Variants in ACSM3 observed in about 807,000 individuals in gnomAD.
The protein encoded by ACSM3 is acyl-CoA synthetase medium chain family member 3.
In ACSM3, 61 loss-of-function variants were observed where a neutral mutation model predicts 74.1. That is an observed-to-expected ratio of 0.82 (90% CI 0.67 to 1.02). ACSM3 has a LOEUF of 1.02. ACSM3 is among the 50% of genes least tolerant of loss of function. The pLI is 0.00. For missense variants in ACSM3, 660 were observed against 697.0 expected (o/e 0.95, Z 0.60); for synonymous variants, 213 against 241.5 (o/e 0.88, Z 1.09).
At chr16:20,690,682 A>C (rs570249199) in intron 1 of ACSM3, among the ~76,000 whole-genome samples, 2 of 152,162 alleles carry the variant, frequency 1.3e-5, no homozygotes, top group East Asian at 3.9e-4. Context: ...GACTAATACG[A>C]ATTTGCTGAC....
intron 1 of ACSM3, among the ~76,000 whole-genome samples, chr16:20,696,837 T>C (rs2079692317): frequency 6.6e-6 from 1 of 152,198 alleles, no homozygotes; most frequent in Admixed American, 6.5e-5. Flanking sequence ...TACTGTGTTA[T>C]AGGGTATCCC....
chr16:20,761,780 C>T (rs543694155), upstream of ACSM3, among the ~76,000 whole-genome samples: 1 of 152,254 alleles, frequency 6.6e-6, no homozygotes, highest in African/African-American at 2.4e-5. Flanking sequence ...AGGAACTGGG[C>T]AAGTGTGCTC....
intron 1 of ACSM3, among the ~76,000 whole-genome samples, chr16:20,767,865 T>G (rs986951696): frequency 2.0e-5 from 3 of 152,138 alleles, no homozygotes; most frequent in African/African-American, 7.2e-5. Context: ...TTTTAATGGT[T>G]GAAAAAATAA....
intron 1 of ACSM3, chr16:20,685,331 T>C (rs965251628): frequency 6.2e-7 from 1 of 1,614,192 alleles, no homozygotes; most frequent in African/African-American, 1.3e-5. Context: ...CCCATCTCTC[T>C]GAAGCTCCAC....
intron 10 of ACSM3, among the ~76,000 whole-genome samples, chr16:20,791,626 A>G (rs1241312362): frequency 6.6e-6 from 1 of 152,154 alleles, no homozygotes; most frequent in Non-Finnish European, 1.5e-5. Context: ...TTCCTTGAAC[A>G]TTTAAAAATC....
intron 1 of ACSM3, among the ~76,000 whole-genome samples, chr16:20,718,825 C>T (rs1336570807): frequency 1.3e-5 from 2 of 152,156 alleles, no homozygotes; most frequent in Non-Finnish European, 2.9e-5. Flanking sequence ...TTTTATTTTC[C>T]TAATAGCATT....
chr16:20,682,516 C>CTTTA, intron 1 of ACSM3: 1 of 1,480,006 alleles, frequency 6.8e-7, no homozygotes. Flanking sequence ...CAACCATGGG[C>CTTTA]TTTAGACTTG....
chr16:20,728,557 T>C (rs973513989), intron 1 of ACSM3: 4 of 548,850 alleles, frequency 7.3e-6, no homozygotes, highest in Non-Finnish European at 6.2e-6. Context: ...TTCCACCATG[T>C]CTTGCTATGT....
intron 1 of ACSM3, among the ~76,000 whole-genome samples, chr16:20,715,016 G>C (rs916178862): frequency 2.6e-5 from 4 of 152,114 alleles, no homozygotes; most frequent in Non-Finnish European, 5.9e-5. Context: ...TAGGTAGATA[G>C]ATGGATGGAT....
chr16:20,709,287 TAA>T (rs1290673228), intron 1 of ACSM3, among the ~76,000 whole-genome samples: 2 of 152,138 alleles, frequency 1.3e-5, no homozygotes, highest in Non-Finnish European at 1.5e-5. Flanking sequence ...TTGCTTAACA[TAA>T]GTTATGAAAT....
chr16:20,786,725 C>G (rs1467326343), intron 9 of ACSM3, among the ~76,000 whole-genome samples: 1 of 152,090 alleles, frequency 6.6e-6, no homozygotes, highest in Non-Finnish European at 1.5e-5. Flanking sequence ...AGAAGAAACC[C>G]TATGAGAAGC....
chr16:20,675,369 G>A (rs1210041410), intron 1 of ACSM3, among the ~76,000 whole-genome samples: 1 of 152,136 alleles, frequency 6.6e-6, no homozygotes, highest in East Asian at 1.9e-4. Context: ...CGAGTGTGGG[G>A]GAAATCAGTC....
intron 7 of ACSM3, among the ~76,000 whole-genome samples, chr16:20,784,100 C>G (rs2080415772): frequency 6.6e-6 from 1 of 152,194 alleles, no homozygotes; most frequent in Admixed American, 6.5e-5. Context: ...GCCACCACAC[C>G]TGGCCTTTCC....
intron 1 of ACSM3, among the ~76,000 whole-genome samples, chr16:20,744,724 T>C (rs370862422): frequency 6.6e-6 from 1 of 152,182 alleles, no homozygotes; most frequent in African/African-American, 2.4e-5. Context: ...TTGTAACCTA[T>C]TGGGCTGTTT....
intron 1 of ACSM3, among the ~76,000 whole-genome samples, chr16:20,730,797 AAT>A (rs1420558358): frequency 6.6e-6 from 1 of 152,210 alleles, no homozygotes; most frequent in Non-Finnish European, 1.5e-5. Flanking sequence ...AGAAGCAAAC[AAT>A]ATGAGGCAAA....
chr16:20,784,200 T>C (rs1460832769), intron 7 of ACSM3, among the ~76,000 whole-genome samples: 3 of 152,202 alleles, frequency 2.0e-5, no homozygotes, highest in Non-Finnish European at 4.4e-5. Flanking sequence ...GGCACTGTGT[T>C]GTGCAATATG....
intron 2 of ACSM3, among the ~76,000 whole-genome samples, chr16:20,770,588 G>A (rs2080181199): frequency 6.6e-6 from 1 of 151,980 alleles, no homozygotes; most frequent in African/African-American, 2.4e-5. Flanking sequence ...TGGTAGAAAA[G>A]GAGGCACAGA....
intron 1 of ACSM3, chr16:20,697,556 TACACAC>T (rs57633278): frequency 0.17 from 23,121 of 139,352 alleles, 2,095 homozygotes; most frequent in East Asian, 0.33. Context: ...AAAATTGGAT[TACACAC>T]ACACACACAC....
intron 1 of ACSM3, chr16:20,764,770 T>C (rs1446053880): frequency 6.6e-6 from 1 of 152,226 alleles, no homozygotes; most frequent in Non-Finnish European, 1.5e-5. Context: ...ACTGTCTGCT[T>C]AGCTCCCCAC....
Sources: gnomAD v4.1 joint callset for allele counts (sites outside exome capture counted in the v4.1 genomes callset) on GRCh38, gnomAD v4.1.1 for gene constraint, MANE v1.5 for transcripts, NCBI Gene and HGNC (gene_info 2026-07-23, HGNC 2026-07-21) for gene names.